TPP1: variants seen among roughly 807,000 people sequenced by gnomAD.
TPP1 encodes the protein tripeptidyl peptidase 1.
TPP1 carries 43 observed loss-of-function variants against 67.6 expected under a neutral mutation model. The ratio of observed to expected loss-of-function variants is 0.64; its 90% CI spans 0.50 to 0.82. TPP1 has a LOEUF of 0.82. Among genes scored for constraint, TPP1 ranks in the 40% least tolerant of loss-of-function variants. The probability of loss-of-function intolerance (pLI) is 0.00; values close to 1 mark genes in which losing one functional copy is unlikely to be tolerated. For synonymous variants in TPP1, 272 were observed against 281.5 expected (o/e 0.97, Z 0.34); for missense variants, 671 against 710.9 (o/e 0.94, Z 0.64).
rs1800746 is a variant in TPP1 at position 6,617,707 on chromosome 11, T to C, written c.299A>G (p.Gln100Arg). The C allele has an allele frequency of 1.6e-3, 2,589 of 1,614,224 alleles. 55 individuals carry two copies. In the African/African-American group the frequency reaches 0.029, roughly 18 times the overall value. The change falls in exon 4 of 13, where the codon CAA (glutamine) becomes CGA (arginine). Residue 100 changes from glutamine (Q) to arginine (R), a missense_variant. Gln to Arg is a conservative substitution (Grantham distance 43, BLOSUM62 1). Coordinates refer to ENST00000299427, the MANE Select transcript of TPP1 (RefSeq NM_000391.4). ...RPSPLTLHTV[Q>R]KWLLAAGAQK... Reference sequence around the variant, plus strand: ...GGCTCCGGCTGCCAAGAGCCATTTTTGCACCGTGTGGAGGGTCAGTGGGGA... The same window carrying C: ...GGCTCCGGCTGCCAAGAGCCATTTTCGCACCGTGTGGAGGGTCAGTGGGGA...
At chr11:6,618,335 G>A (rs966382075) in intron 3 of TPP1, 2 of 362,904 alleles carry the variant, frequency 5.5e-6, no homozygotes, top group Non-Finnish European at 1.0e-5. Flanking sequence ...TTGAAGCAGA[G>A]TGGGGGAGTA....
intron 2 of TPP1, 105 bp from the exon 3 acceptor site, chr11:6,619,020 A>C (rs1855629038): frequency 6.5e-7 from 1 of 1,548,930 alleles, no homozygotes; most frequent in East Asian, 2.3e-5. Flanking sequence ...GGAGGATCCT[A>C]GGAGCAGATA....
chr11:6,616,256 G>A, intron 8 of TPP1, 59 bp downstream of exon 8: 2 of 1,610,722 alleles, frequency 1.2e-6, no homozygotes, highest in Non-Finnish European at 1.7e-6. Flanking sequence ...TCACTGTGGA[G>A]TCAAAGCTCC....
chr11:6,616,263 C>T, intron 8 of TPP1, 52 bp downstream of exon 8: 1 of 1,611,832 alleles, frequency 6.2e-7, no homozygotes, highest in South Asian at 1.1e-5. Context: ...GGAGTCAAAG[C>T]TCCCAGGCTG....
At chr11:6,616,281 G>A (rs1207037968) in intron 8 of TPP1, 34 bp downstream of exon 8, 3 of 1,612,726 alleles carry the variant, frequency 1.9e-6, no homozygotes, top group Non-Finnish European at 2.5e-6. Context: ...CTGCAGAGGT[G>A]TAAGCATTGT....
At position 6,617,674 on chromosome 11, in the gene TPP1, C is replaced by T; in HGVS notation, c.332G>A (p.Cys111Tyr). 1 of 1,614,204 alleles carries T rather than the reference C, an allele frequency of 6.2e-7. No homozygotes were observed. The highest frequency in any genetic ancestry group is 8.5e-7 in the Non-Finnish European group (1 of 1,180,034). Reference protein sequence around the residue: ...KWLLAAGAQKCHSVITQDFLT... With the variant: ...KWLLAAGAQKYHSVITQDFLT... ...AAAGTCCTGTGTGATCACAGAATGG[C>T]ACTTCTGGGCTCCGGCTGCCAAGAG... The change falls in exon 4 of 13, where the codon TGC (cysteine) becomes TAC (tyrosine). Residue 111 changes from cysteine to tyrosine, a missense_variant. Transcript: ENST00000299427.
chr11:6,614,507 C>T lies in TPP1; in HGVS notation c.*39G>A, dbSNP rs1387868620. Reference sequence around the variant, plus strand: ...GAATAAGGGACTGAACTGCCAGCTTCAGGGCAGGGGACAAGCCATCTCTCC... The same window carrying T: ...GAATAAGGGACTGAACTGCCAGCTTTAGGGCAGGGGACAAGCCATCTCTCC... On this transcript the variant is annotated 3_prime_UTR_variant, in exon 13 of 13. Transcript: ENST00000299427. 11 of 1,613,984 alleles carry T rather than the reference C, an allele frequency of 6.8e-6. No individual in the cohort carries two copies. The highest frequency in any genetic ancestry group is 2.7e-5 in the African/African-American group (2 of 75,024).
intron 3 of TPP1, chr11:6,617,991 G>A: frequency 1.6e-6 from 1 of 625,222 alleles, no homozygotes; most frequent in South Asian, 1.9e-5. Flanking sequence ...TACCCTAAAG[G>A]CCAGTAAGTT....
At chr11:6,617,266 T>C in intron 5 of TPP1, 35 bp downstream of exon 5, 2 of 1,613,916 alleles carry the variant, frequency 1.2e-6, no homozygotes, top group Non-Finnish European at 1.7e-6. Context: ...CCTGGATCTG[T>C]GTGCCCCAAC....
rs2134592126 is a variant in TPP1 at position 6,615,521 on chromosome 11, G to A, written c.1187C>T (p.Pro396Leu). 6.2e-7 allele frequency: 1 copy of A among 1,614,206 alleles called. No homozygotes were observed. The highest frequency in any genetic ancestry group is 8.5e-7 in the Non-Finnish European group (1 of 1,180,042). ...AACAATTTCATTTGTGATGAGGAAA[G>A]GTTCCTGGAAGGATGTGCCTCCCAC... ...TTVGGTSFQEPFLITNEIVDY... is the reference protein window; with the variant it reads ...TTVGGTSFQELFLITNEIVDY... The change falls in exon 10 of 13, where the codon CCT becomes CTT. Residue 396 changes from proline to leucine, a missense_variant. Physicochemically the swap from Pro to Leu is moderately conservative, Grantham distance 98. Transcript: ENST00000299427.
At position 6,617,709 on chromosome 11, in the gene TPP1, C is replaced by T. The variant is rs753066277; in HGVS notation, c.297G>A (p.Val99=). Residue 99 remains valine (V), a synonymous_variant, in exon 4 of 13, where the codon GTG becomes GTA. Transcript: ENST00000299427. ...CTCCGGCTGCCAAGAGCCATTTTTGCACCGTGTGGAGGGTCAGTGGGGATG... is the reference window on the plus strand; with the variant it reads ...CTCCGGCTGCCAAGAGCCATTTTTGTACCGTGTGGAGGGTCAGTGGGGATG... ...VRPSPLTLHT[V]QKWLLAAGAQ... is the part of the protein sequence containing the mutation. The T allele has an allele frequency of 8.7e-6, 14 of 1,614,116 alleles. No homozygotes were observed. Among genetic ancestry groups the T allele is most frequent in the Non-Finnish European group, 1.2e-5 (14 of 1,180,042 alleles).
Position 6,616,696 on chromosome 11 carries a change from C to A in TPP1, c.851G>T (p.Gly284Val), listed in dbSNP as rs119455957. 1.2e-5 allele frequency: 20 copies of A among 1,613,958 alleles called. No individual in the cohort carries two copies. The highest frequency in any genetic ancestry group is 1.6e-5 in the Non-Finnish European group (19 of 1,180,018). The change falls in exon 7 of 13, where the codon GGT becomes GTT. Residue 284 changes from glycine (G) to valine (V), a missense_variant. Transcript: ENST00000299427. ...SLDVQYLMSA[G>V]ANISTWVYSS... ...GTAGACCCAGGTGGAGATGTTGGCA[C>A]CAGCACTCATCAGGTACTGCACATC...
chr11:6,615,860 A>C (rs938353919), intron 9 of TPP1, 145 bp downstream of exon 9: 41 of 939,488 alleles, frequency 4.4e-5, no homozygotes, highest in Non-Finnish European at 6.9e-5. Context: ...TGCAGGAAGA[A>C]GAGACAGGAG....
rs1855544630 is a variant in TPP1, at chr11:6,614,503, G to A, written c.*43C>T. ...GGCAGAATAAGGGACTGAACTGCCA[G>A]CTTCAGGGCAGGGGACAAGCCATCT... On this transcript the variant is annotated 3_prime_UTR_variant, in exon 13 of 13. Coordinates refer to ENST00000299427, the MANE Select transcript of TPP1 (RefSeq NM_000391.4). 1.2e-6 allele frequency: 2 copies of A among 1,613,728 alleles called. No individual in the cohort carries two copies.
Position 6,616,758 on chromosome 11 carries a change from T to C in TPP1, c.789A>G (p.Gln263=). ...CAATCCCGGCCCGGCCCCGGCCCTG[T>C]TGTCCAACCACACGGGCTACTGATG... is the stretch of plus-strand genomic sequence containing the variant. ...HQASVARVVG[Q]QGRGRAGIEA... is the part of the protein sequence containing the mutation. Residue 263 remains glutamine (Q), a synonymous_variant, in exon 7 of 13, where the codon CAA becomes CAG. Coordinates refer to ENST00000299427, the MANE Select transcript of TPP1 (RefSeq NM_000391.4). 6.2e-7 allele frequency: 1 copy of C among 1,614,040 alleles called. No individual in the cohort carries two copies. Among genetic ancestry groups the C allele is most frequent in the Non-Finnish European group, 8.5e-7 (1 of 1,180,002 alleles).
chr11:6,612,872 G>A lies in TPP1; in HGVS notation c.*1674C>T, dbSNP rs1855518125. The A allele has an allele frequency of 6.6e-6, 1 of 152,658 alleles. No individual in the cohort carries two copies. The highest frequency in any genetic ancestry group is 1.5e-5 in the Non-Finnish European group (1 of 68,060). 9.5% of individuals were successfully genotyped at this position (152,658 alleles called of 1,614,324 possible). ...GATTCTAGTCCTCTAGGCACCAACG[G>A]TCTTGGAAAGGAAGGCAGACAAGTA... On this transcript the variant is annotated 3_prime_UTR_variant, in exon 13 of 13. Transcript: ENST00000299427.
At chr11:6,615,972 G>T (rs749491640) in intron 9 of TPP1, 33 bp downstream of exon 9, 5 of 1,608,096 alleles carry the variant, frequency 3.1e-6, no homozygotes, top group Non-Finnish European at 4.3e-6. Flanking sequence ...GAAAGGTGGT[G>T]GTTATACCTG....
At chr11:6,615,632 G>A (rs775447170) in intron 9 of TPP1, 70 bp from the exon 10 acceptor site, 217 of 1,592,918 alleles carry the variant, frequency 1.4e-4, no homozygotes, top group Non-Finnish European at 1.8e-4. Context: ...GGGGAGGGGT[G>A]AGTATAGCCC....
rs372787642 is a variant in TPP1 at position 6,616,997 on chromosome 11, T to G, written c.665A>C (p.Asn222Thr). ...TSQDVGSGTS[N>T]NSQACAQFLE... is the part of the protein sequence containing the mutation. ...CACCTGGGCACAGGCTTGGCTGTTA[T>G]TGCTGGTGCCAGAGCCCACGTCTTG... Residue 222 changes from asparagine (N) to threonine (T), a missense_variant, in exon 6 of 13, where the codon AAT (asparagine) becomes ACT (threonine). Asn to Thr is a moderately conservative substitution (Grantham distance 65). Transcript: ENST00000299427. 1 of 1,614,154 alleles carries G rather than the reference T, an allele frequency of 6.2e-7. No individual in the cohort carries two copies. The highest frequency in any genetic ancestry group is 1.7e-5 in the Admixed American group (1 of 60,024).
Sources: allele counts gnomAD v4.1 joint callset, GRCh38; gene constraint gnomAD v4.1.1; transcripts MANE v1.5; gene names NCBI Gene and HGNC (gene_info 2026-07-23, HGNC 2026-07-21).